VRTN: variants seen among roughly 807,000 people sequenced by gnomAD.
VRTN encodes vertebrae development associated.
VRTN carries 5 observed loss-of-function variants against 18.2 expected under a neutral mutation model. The ratio of observed to expected loss-of-function variants is 0.27; its 90% confidence interval spans 0.14 to 0.58. VRTN has a LOEUF of 0.58. Ranked by LOEUF, VRTN falls within the 20% of genes least tolerant of loss-of-function variation. The probability of loss-of-function intolerance (pLI) is 0.91; values close to 1 mark genes in which losing one functional copy is unlikely to be tolerated. For synonymous variants in VRTN, 381 were observed against 393.7 expected, an observed-to-expected ratio of 0.97 and a Z score of 0.38; for missense variants, 741 against 939.4, an observed-to-expected ratio of 0.79 and a Z score of 2.76.
chr14:74,348,832 A>G (rs2085662582), intron 1 of VRTN, among the ~76,000 whole-genome samples, 180 bp downstream of exon 1: 1 of 151,610 alleles, frequency 6.6e-6, no homozygotes, highest in Non-Finnish European at 1.5e-5. Flanking sequence ...GAGAGGACGC[A>G]TTGTTTCAAG....
chr14:74,359,211 G>A lies in VRTN; in HGVS notation c.*319G>A, dbSNP rs149453687. The A allele has an allele frequency of 1.1e-4, 32 of 292,798 alleles. No homozygotes were observed. The East Asian group carries it at 2.0e-3, about 19-fold the overall frequency. The allele number at this position is 292,798 out of a possible 1,614,324, so 18.1% of individuals were successfully genotyped here. A position where few individuals can be genotyped will look rare whatever the true frequency, so the allele number is the denominator to read the frequency against. ...GGCCCCCTTGCTGGAGTTGGAAGCC[G>A]TATGTATGTCAGGGGGTTTAGAGGG... On this transcript the variant is annotated 3_prime_UTR_variant, in exon 2 of 2. Coordinates refer to ENST00000256362, the MANE Select transcript of VRTN (RefSeq NM_018228.3).
intron 1 of VRTN, among the ~76,000 whole-genome samples, chr14:74,333,388 A>G (rs1399239336): frequency 2.0e-5 from 3 of 151,850 alleles, no homozygotes; most frequent in Non-Finnish European, 4.4e-5. Context: ...ATCTCAAAAA[A>G]AAGAGGTGGG....
intron 1 of VRTN, chr14:74,305,750 C>T (rs2085343963): frequency 6.6e-6 from 1 of 152,334 alleles, no homozygotes; most frequent in South Asian, 2.1e-4. Context: ...ATTCTCCTGC[C>T]TCAGCCTCCT....
chr14:74,327,874 C>T (rs2085497793), intron 1 of VRTN, among the ~76,000 whole-genome samples: 2 of 152,154 alleles, frequency 1.3e-5, no homozygotes, highest in African/African-American at 4.8e-5. Flanking sequence ...GTGCCCACCA[C>T]CACGCCTGGC....
chr14:74,356,535 G>A (rs1310970588), intron 1 of VRTN, among the ~76,000 whole-genome samples: 2 of 152,188 alleles, frequency 1.3e-5, no homozygotes, highest in East Asian at 3.8e-4. Context: ...ATGAACAGAA[G>A]CATAGAGAGG....
chr14:74,329,876 CTT>C (rs61567546), intron 1 of VRTN, among the ~76,000 whole-genome samples: 10 of 135,454 alleles, frequency 7.4e-5, no homozygotes, highest in Non-Finnish European at 3.2e-5. Flanking sequence ...CGGGCCTGGG[CTT>C]TTTTTTTTTT....
At chr14:74,347,801 A>G (rs747841051), upstream of VRTN, among the ~76,000 whole-genome samples, 2 of 152,208 alleles carry the variant, frequency 1.3e-5, no homozygotes, top group African/African-American at 4.8e-5. Context: ...GGGCTCAGTA[A>G]GTTAGGTGCC....
At chr14:74,348,831 C>T (rs969486093) in intron 1 of VRTN, among the ~76,000 whole-genome samples, 179 bp downstream of exon 1, 1 of 151,756 alleles carries the variant, frequency 6.6e-6, no homozygotes, top group East Asian at 1.9e-4. Flanking sequence ...GGAGAGGACG[C>T]ATTGTTTCAA....
chr14:74,357,482 C>T lies in VRTN; in HGVS notation c.699C>T (p.Arg233=), dbSNP rs201375193. 68 of 1,612,414 alleles carry T rather than the reference C, an allele frequency of 4.2e-5. No homozygotes were observed. The South Asian group carries it at 6.1e-4, about 15-fold the overall frequency. ...AGCCCCTCACCAGCCACTTCTTCCG[C>T]CACCAGTACTTTGCCCCTGTGGTGG... ...AGQPLTSHFF[R]HQYFAPVVGL... Residue 233 remains arginine (R), a synonymous_variant, in exon 2 of 2, where the codon CGC becomes CGT. Transcript: ENST00000256362. The surrounding 1 kb of genome is among the most constrained non-coding windows in gnomAD (Gnocchi z 7.8).
rs1339973208 is a variant in VRTN, at chr14:74,303,847, T to C, written c.-164+671T>C. 5.1e-3 allele frequency among the ~76,000 whole-genome samples: 743 copies of C among 144,900 alleles called. 3 individuals are homozygous for C. Among genetic ancestry groups the C allele is most frequent in the African/African-American group, 0.019 (700 of 37,690 alleles). ...TCAATCAGTTGACAATTACAGATTT[T>C]TTTTTTTTTTTTTTTTTTTTTGATA... On this transcript the variant is annotated intron_variant, in intron 1 of 2. Coordinates refer to the VRTN transcript ENST00000557177.
At chr14:74,318,514 G>A (rs577712921) in intron 1 of VRTN, among the ~76,000 whole-genome samples, 17 of 151,786 alleles carry the variant, frequency 1.1e-4, no homozygotes, top group East Asian at 3.9e-4. Flanking sequence ...CAGGTGATCC[G>A]CCTGCCTCGG....
Position 74,358,332 on chromosome 14 carries a change from A to G in VRTN, c.1549A>G (p.Arg517Gly). The G allele has an allele frequency of 6.2e-7, 1 of 1,613,180 alleles. No homozygotes were observed. Among genetic ancestry groups the G allele is most frequent in the South Asian group, 1.1e-5 (1 of 91,048 alleles). Residue 517 changes from arginine (R) to glycine (G), a missense_variant, in exon 2 of 2, where the codon AGG becomes GGG. Arg to Gly is a moderately radical substitution (Grantham distance 125, BLOSUM62 -2). This residue lies in a region of VRTN where 494 missense variants were observed against 546.5 expected (regional missense o/e 0.90). Transcript: ENST00000256362. This position sits in a 1 kb window ranked among gnomAD's most constrained non-coding sequence, Gnocchi z 5.4. ...GAGGCGTCTGCGCAGGGCTGCCCGC[A>G]GGCAGGTGCTGAGTGGGCATCTCCC... ...WQRRLRRAAR[R>G]QVLSGHLPFC...
At chr14:74,333,584 A>C (rs529315216) in intron 1 of VRTN, among the ~76,000 whole-genome samples, 11 of 151,990 alleles carry the variant, frequency 7.2e-5, no homozygotes, top group Non-Finnish European at 1.2e-4. Context: ...TCACATCTGT[A>C]ATCCCAGCAC....
chr14:74,355,814 C>T (rs2085722903), intron 1 of VRTN, among the ~76,000 whole-genome samples: 1 of 151,262 alleles, frequency 6.6e-6, no homozygotes, highest in African/African-American at 2.4e-5. Flanking sequence ...GTGCATGAGC[C>T]ACTGCACCTG....
At chr14:74,333,606 G>A (rs1215549161) in intron 1 of VRTN, among the ~76,000 whole-genome samples, 2 of 152,002 alleles carry the variant, frequency 1.3e-5, no homozygotes, top group African/African-American at 4.8e-5. Context: ...TTGGGAGGCC[G>A]AGGCAGGCGG....
chr14:74,314,774 G>T (rs976650497), intron 1 of VRTN, among the ~76,000 whole-genome samples: 15 of 152,180 alleles, frequency 9.9e-5, no homozygotes, highest in African/African-American at 3.6e-4. Flanking sequence ...TAGACAGAAA[G>T]GGAATGATCT....
Position 74,357,559 on chromosome 14 carries a change from C to T in VRTN, c.776C>T (p.Pro259Leu), listed in dbSNP as rs865849195. Residue 259 changes from proline to leucine, a missense_variant, in exon 2 of 2, where the codon CCA becomes CTA. This residue lies in a region of VRTN where 494 missense variants were observed against 546.5 expected (regional missense o/e 0.90). Coordinates refer to ENST00000256362, the MANE Select transcript of VRTN (RefSeq NM_018228.3). The surrounding 1 kb of genome is among the most constrained non-coding windows in gnomAD (Gnocchi z 7.8). ...EGAPGVAPAL[P>L]ALAPLSSPAK... ...GCCCCTGGCGTGGCCCCAGCTCTTCCAGCCCTGGCCCCACTCTCATCGCCG... is the reference window on the plus strand; with the variant it reads ...GCCCCTGGCGTGGCCCCAGCTCTTCTAGCCCTGGCCCCACTCTCATCGCCG... 6.8e-6 allele frequency: 11 copies of T among 1,613,780 alleles called. No homozygotes were observed. The highest frequency in any genetic ancestry group is 9.3e-6 in the Non-Finnish European group (11 of 1,180,024).
At chr14:74,340,933 G>A (rs1420562061) in intron 2 of VRTN, among the ~76,000 whole-genome samples, 2 of 151,820 alleles carry the variant, frequency 1.3e-5, no homozygotes, top group Non-Finnish European at 2.9e-5. Context: ...TAGTAGAGAC[G>A]GGGTTTCACC....
At chr14:74,320,248 CCTTTTTTTTTTTTTTTTT>C (rs1351885620) in intron 1 of VRTN, among the ~76,000 whole-genome samples, 1 of 134,214 alleles carries the variant, frequency 7.5e-6, no homozygotes, top group African/African-American at 3.0e-5. Flanking sequence ...AGATCCCATC[CCTTTTTTTTTTTTTTTTT>C]TTTTTTTTTT....
Sources: gnomAD v4.1 joint callset for allele counts (sites outside exome capture counted in the v4.1 genomes callset) on GRCh38, gnomAD v4.1.1 for gene constraint, gnomAD v4.1.1 regional missense constraint, Gnocchi (gnomAD v3.1) non-coding constraint, MANE v1.5 for transcripts, NCBI Gene and HGNC (gene_info 2026-07-23, HGNC 2026-07-21) for gene names.